NR4A3: variants seen among roughly 807,000 people sequenced by gnomAD.
The protein encoded by NR4A3 is nuclear receptor subfamily 4 group A member 3.
Under a neutral mutation model 55.6 loss-of-function variants are expected in NR4A3, and 13 were observed. The ratio of observed to expected loss-of-function variants is 0.23; its 90% CI spans 0.15 to 0.37. The LOEUF is 0.37. Ranked by LOEUF, NR4A3 falls within the 10% of genes least tolerant of loss-of-function variation. NR4A3 has a pLI of 1.00. For missense variants in NR4A3, 646 were observed against 822.8 expected, an observed-to-expected ratio of 0.79 and a Z score of 2.63; for synonymous variants, 342 against 357.9, an observed-to-expected ratio of 0.96 and a Z score of 0.50.
In NR4A3 at chr9:99,828,154, C is replaced by G. The variant is rs200361772; in HGVS notation, c.112C>G (p.Leu38Val). Reference sequence around the variant, plus strand: ...GATCATGAACCCCGACTACACCAAGCTGACCATGGACCTTGGCAGCACTGA... The same window carrying G: ...GATCATGAACCCCGACTACACCAAGGTGACCATGGACCTTGGCAGCACTGA... ...TEIMNPDYTKLTMDLGSTEIT... is the reference protein window; with the variant it reads ...TEIMNPDYTKVTMDLGSTEIT... Residue 38 changes from leucine (L) to valine (V), a missense_variant, in exon 3 of 8, where the codon CTG becomes GTG. Coordinates refer to ENST00000395097, the MANE Select transcript of NR4A3 (RefSeq NM_006981.4). This position sits in a 1 kb window ranked among gnomAD's most constrained non-coding sequence, Gnocchi z 7.7. 6.2e-7 allele frequency: 1 copy of G among 1,614,166 alleles called. No individual in the cohort carries two copies. The highest frequency in any genetic ancestry group is 1.3e-5 in the African/African-American group (1 of 75,034).
chr9:99,858,053 G>A (rs1827957282), intron 7 of NR4A3, among the ~76,000 whole-genome samples: 1 of 152,120 alleles, frequency 6.6e-6, no homozygotes, highest in South Asian at 2.1e-4. Context: ...ACAATGTTGA[G>A]CAAATACAGT....
At chr9:99,851,027 A>G (rs1256455256) in intron 7 of NR4A3, among the ~76,000 whole-genome samples, 3 of 152,342 alleles carry the variant, frequency 2.0e-5, no homozygotes, top group Admixed American at 2.0e-4. Context: ...AAAGTAATTA[A>G]GCTGCACTTA....
intron 7 of NR4A3, among the ~76,000 whole-genome samples, chr9:99,852,843 A>G (rs2118142072): frequency 6.6e-6 from 1 of 152,300 alleles, no homozygotes; most frequent in Non-Finnish European, 1.5e-5. Flanking sequence ...CACACCCTCC[A>G]CCATCTGTCT....
intron 2 of NR4A3, among the ~76,000 whole-genome samples, chr9:99,827,045 C>T (rs918155597): frequency 1.3e-5 from 2 of 152,142 alleles, no homozygotes; most frequent in African/African-American, 2.4e-5. Flanking sequence ...CCTCTCTGAA[C>T]AATAGTAAGC....
At chr9:99,848,079 T>C (rs1827787355) in intron 7 of NR4A3, among the ~76,000 whole-genome samples, 1 of 152,210 alleles carries the variant, frequency 6.6e-6, no homozygotes, top group South Asian at 2.1e-4. Flanking sequence ...TCCTGTTTTG[T>C]AGCCCTGTTT....
intron 7 of NR4A3, among the ~76,000 whole-genome samples, chr9:99,857,836 C>T (rs1052497403): frequency 5.9e-5 from 9 of 151,816 alleles, no homozygotes; most frequent in Admixed American, 2.0e-4. Flanking sequence ...AATCTAATTC[C>T]AAAGCTTTGA....
intron 2 of NR4A3, chr9:99,826,736 A>T: frequency 6.2e-7 from 1 of 1,611,130 alleles, no homozygotes; most frequent in Non-Finnish European, 8.5e-7. Context: ...ACAGGCCCTC[A>T]TCACCTTTTT....
intron 6 of NR4A3, among the ~76,000 whole-genome samples, chr9:99,845,460 A>G (rs1409808887): frequency 6.6e-6 from 1 of 152,182 alleles, no homozygotes; most frequent in African/African-American, 2.4e-5. Context: ...TCCTCTAGTA[A>G]GTTCCACATG....
At chr9:99,833,904 C>T (rs1040538176) in intron 5 of NR4A3, 5 of 1,214,226 alleles carry the variant, frequency 4.1e-6, no homozygotes, top group South Asian at 1.9e-5. Context: ...AGGGATTAGA[C>T]CATTGGTGGA....
intron 5 of NR4A3, chr9:99,833,790 C>T (rs981183749): frequency 7.5e-7 from 1 of 1,328,816 alleles, no homozygotes; most frequent in Non-Finnish European, 9.7e-7. Flanking sequence ...AAAGTGACTA[C>T]TGTTTTTTTT....
chr9:99,852,766 G>C (rs1019910077), intron 7 of NR4A3, among the ~76,000 whole-genome samples: 16 of 152,098 alleles, frequency 1.1e-4, no homozygotes, highest in African/African-American at 2.9e-4. Context: ...GGAGGAAGGA[G>C]GGCAGAACCA....
At chr9:99,856,447 A>T (rs1176693486) in intron 7 of NR4A3, among the ~76,000 whole-genome samples, 1 of 152,112 alleles carries the variant, frequency 6.6e-6, no homozygotes, top group African/African-American at 2.4e-5. Context: ...AATACAGATG[A>T]AGCTTCACTT....
At chr9:99,842,391 A>G (rs1827668640) in intron 5 of NR4A3, among the ~76,000 whole-genome samples, 1 of 152,220 alleles carries the variant, frequency 6.6e-6, no homozygotes, top group African/African-American at 2.4e-5. Context: ...GGACCAATGA[A>G]TACATACCTG....
chr9:99,828,238 T>C lies in NR4A3; in HGVS notation c.196T>C (p.Ser66Pro). Residue 66 changes from serine to proline, a missense_variant, in exon 3 of 8, where the codon TCG becomes CCG. Physicochemically the swap from Ser to Pro is moderately conservative, Grantham distance 74 (BLOSUM62 -1). Around this residue, in one of 5 missense-constraint regions of NR4A3, gnomAD observed 426 missense variants for 429.4 expected, o/e 0.99. Coordinates refer to ENST00000395097, the MANE Select transcript of NR4A3 (RefSeq NM_006981.4). This position sits in a 1 kb window ranked among gnomAD's most constrained non-coding sequence, Gnocchi z 7.7. ...CATCAGTACCTTCGTGGAGGGCTAC[T>C]CGAGCAACTACGAACTCAAGCCTTC... Reference protein sequence around the residue: ...PSISTFVEGYSSNYELKPSCV... With the variant: ...PSISTFVEGYPSNYELKPSCV... The C allele has an allele frequency of 6.2e-7, 1 of 1,613,944 alleles. No individual in the cohort carries two copies. Among genetic ancestry groups the C allele is most frequent in the Non-Finnish European group, 8.5e-7 (1 of 1,179,976 alleles).
chr9:99,859,440 A>T (rs1827975625), intron 7 of NR4A3, among the ~76,000 whole-genome samples: 2 of 152,230 alleles, frequency 1.3e-5, no homozygotes, highest in South Asian at 4.1e-4. Flanking sequence ...AGTAGTTTGC[A>T]TGGAGACTGA....
At chr9:99,826,579 T>C in intron 2 of NR4A3, 2 of 585,156 alleles carry the variant, frequency 3.4e-6, no homozygotes, top group South Asian at 4.6e-5. Context: ...GGCAGTGTTC[T>C]TTCTTTTAAA....
At chr9:99,837,410 C>T (rs1827576126) in intron 5 of NR4A3, among the ~76,000 whole-genome samples, 1 of 152,166 alleles carries the variant, frequency 6.6e-6, no homozygotes, top group Non-Finnish European at 1.5e-5. Context: ...GGTTAACTGG[C>T]TTGCCTAATG....
In NR4A3 at chr9:99,828,149, C is replaced by T. The variant is rs922329591; in HGVS notation, c.107C>T (p.Thr36Ile). ...ACGGAGATCATGAACCCCGACTACA[C>T]CAAGCTGACCATGGACCTTGGCAGC... Reference protein sequence around the residue: ...YTTEIMNPDYTKLTMDLGSTE... With the variant: ...YTTEIMNPDYIKLTMDLGSTE... The change falls in exon 3 of 8, where the codon ACC (threonine) becomes ATC (isoleucine). Residue 36 changes from threonine to isoleucine, a missense_variant. Coordinates refer to ENST00000395097, the MANE Select transcript of NR4A3 (RefSeq NM_006981.4). The surrounding 1 kb of genome is among the most constrained non-coding windows in gnomAD (Gnocchi z 7.7). The T allele has an allele frequency of 6.2e-7, 1 of 1,614,030 alleles. No homozygotes were observed. The highest frequency in any genetic ancestry group is 8.5e-7 in the Non-Finnish European group (1 of 1,180,030).
At chr9:99,858,000 A>G (rs1827956466) in intron 7 of NR4A3, among the ~76,000 whole-genome samples, 1 of 152,082 alleles carries the variant, frequency 6.6e-6, no homozygotes, top group African/African-American at 2.4e-5. Flanking sequence ...TTTAACAGAT[A>G]TTTATTGGGT....
Sources: gnomAD v4.1 joint callset for allele counts (sites outside exome capture counted in the v4.1 genomes callset) on GRCh38, gnomAD v4.1.1 for gene constraint, gnomAD v4.1.1 regional missense constraint, Gnocchi (gnomAD v3.1) non-coding constraint, MANE v1.5 for transcripts, NCBI Gene and HGNC (gene_info 2026-07-23, HGNC 2026-07-21) for gene names.